The following IL16 variants were observed in gnomAD, a reference collection of about 807,000 sequenced individuals.
IL16 encodes pro-interleukin-16.
Under a neutral mutation model 110.1 loss-of-function variants are expected in IL16, and 67 were observed. The observed-to-expected ratio is 0.61, with a 90% CI of 0.50 to 0.75. The LOEUF is 0.75. Ranked by LOEUF, IL16 falls within the 30% of genes least tolerant of loss-of-function variation. The pLI is 0.00. For missense variants in IL16, 1,545 were observed against 1,655.0 expected (o/e 0.93, Z 1.15); for synonymous variants, 689 against 662.9 (o/e 1.04, Z -0.61).
intron 10 of IL16, among the ~76,000 whole-genome samples, chr15:81,288,528 T>G (rs975460737): frequency 6.6e-6 from 1 of 152,224 alleles, no homozygotes; most frequent in East Asian, 1.9e-4. Context: ...AAGGACATTC[T>G]CATTGTTGTG....
At chr15:81,182,945 A>G in intron 1 of IL16, 1 of 1,203,512 alleles carries the variant, frequency 8.3e-7, no homozygotes, top group Non-Finnish European at 1.1e-6. Flanking sequence ...GGAGGTTGGA[A>G]TGGAGGGGTG....
intron 1 of IL16, among the ~76,000 whole-genome samples, chr15:81,210,181 TG>T (rs1455931248): frequency 1.3e-5 from 2 of 152,146 alleles, no homozygotes; most frequent in Non-Finnish European, 2.9e-5. Context: ...GTTGTAGGGG[TG>T]CAGTTTTATT....
intron 10 of IL16, 72 bp from the exon 11 acceptor site, chr15:81,290,381 G>A: frequency 9.8e-7 from 1 of 1,015,668 alleles, no homozygotes; most frequent in Non-Finnish European, 1.5e-6. Context: ...CAGCTTTGGA[G>A]CTGGTACGGG....
intron 2 of IL16, among the ~76,000 whole-genome samples, chr15:81,237,902 TTTTA>T (rs993267431): frequency 2.0e-5 from 3 of 151,494 alleles, no homozygotes; most frequent in African/African-American, 7.3e-5. Flanking sequence ...ATTTTATTTA[TTTTA>T]TTTATTTATT....
At chr15:81,243,800 G>C (rs1426524658) in intron 2 of IL16, among the ~76,000 whole-genome samples, 1 of 152,072 alleles carries the variant, frequency 6.6e-6, no homozygotes, top group Non-Finnish European at 1.5e-5. Flanking sequence ...TGCTTTTTGA[G>C]GAATTGGTAC....
chr15:81,309,844 T>C lies in IL16; in HGVS notation c.*1046T>C, dbSNP rs1900763826. On this transcript the variant is annotated 3_prime_UTR_variant, in exon 19 of 19. Coordinates refer to ENST00000683961, the MANE Select transcript of IL16 (RefSeq NM_172217.5). ...AGTGATCACAGCAGCTTCTACGGTG[T>C]ATGGTTCTGTGCCAATGTATTGATA... The C allele has an allele frequency of 6.6e-6, 1 of 152,220 alleles. No homozygotes were observed. Among genetic ancestry groups the C allele is most frequent in the Non-Finnish European group, 1.5e-5 (1 of 68,046 alleles). The allele number at this position is 152,220 out of a possible 1,614,324, so 9.4% of individuals were successfully genotyped here.
At chr15:81,204,229 C>T (rs1307964911) in intron 1 of IL16, among the ~76,000 whole-genome samples, 4 of 152,118 alleles carry the variant, frequency 2.6e-5, no homozygotes, top group East Asian at 3.9e-4. Flanking sequence ...TGGGCTGAGA[C>T]GATGGGGTTT....
chr15:81,250,360 T>C (rs548430484), intron 2 of IL16, among the ~76,000 whole-genome samples: 6 of 152,136 alleles, frequency 3.9e-5, no homozygotes, highest in Non-Finnish European at 8.8e-5. Flanking sequence ...TTATTTTAAA[T>C]AGAGATGGGG....
chr15:81,273,274 T>C, intron 6 of IL16, 70 bp downstream of exon 6: 1 of 1,164,294 alleles, frequency 8.6e-7, no homozygotes. Context: ...GCTGGGGCCA[T>C]AGAAGATGTT....
At chr15:81,241,536 C>T (rs1453648417) in intron 2 of IL16, among the ~76,000 whole-genome samples, 1 of 152,114 alleles carries the variant, frequency 6.6e-6, no homozygotes, top group Non-Finnish European at 1.5e-5. Context: ...TCCTCATTTT[C>T]TGGTGCATTG....
Position 81,282,651 on chromosome 15 carries a change from G to A in IL16, c.1094G>A (p.Gly365Asp). 1 of 1,612,858 alleles carries A rather than the reference G, an allele frequency of 6.2e-7. No homozygotes were observed. Among genetic ancestry groups the A allele is most frequent in the Non-Finnish European group, 8.5e-7 (1 of 1,179,812 alleles). ...EVSLQKEAGVGLGIGLCSVPY... is the reference protein window; with the variant it reads ...EVSLQKEAGVDLGIGLCSVPY... Reference sequence around the variant, plus strand: ...GTTCTGCTTCCAGAGGCCGGCGTGGGCCTGGGCATCGGCCTGTGCAGCGTT... The same window carrying A: ...GTTCTGCTTCCAGAGGCCGGCGTGGACCTGGGCATCGGCCTGTGCAGCGTT... The change falls in exon 9 of 19, where the codon GGC (glycine) becomes GAC (aspartate). Residue 365 changes from glycine to aspartate, a missense_variant. By Grantham distance (94) the Gly-to-Asp change is moderately conservative. This residue lies in a region of IL16 where 1,185 missense variants were observed against 1,238.8 expected (regional missense o/e 0.96). Transcript: ENST00000683961.
intron 9 of IL16, among the ~76,000 whole-genome samples, chr15:81,284,460 G>T (rs1056730304): frequency 6.6e-6 from 1 of 152,208 alleles, no homozygotes; most frequent in East Asian, 1.9e-4. Flanking sequence ...GTTCCATGTG[G>T]TTGTCTTGGT....
chr15:81,207,843 G>GTT, intron 1 of IL16, among the ~76,000 whole-genome samples: 1 of 143,398 alleles, frequency 7.0e-6, no homozygotes, highest in East Asian at 2.0e-4. Flanking sequence ...GTGCATGTGG[G>GTT]TTTTTTTTTT....
Position 81,308,685 on chromosome 15 carries a change from A to C in IL16, c.3886A>C (p.Thr1296Pro), listed in dbSNP as rs1404872483. Residue 1296 changes from threonine to proline, a missense_variant, in exon 19 of 19, where the codon ACA becomes CCA. Transcript: ENST00000683961. ...GGGTGGCACTGCCATGCAGGGCCTC[A>C]CACGGTTTGAAGCCTGGAACATCAT... ...QLGGTAMQGLTRFEAWNIIKA... is the reference protein window; with the variant it reads ...QLGGTAMQGLPRFEAWNIIKA... The C allele has an allele frequency of 1.2e-6, 2 of 1,613,702 alleles. No individual in the cohort carries two copies. The highest frequency in any genetic ancestry group is 1.7e-6 in the Non-Finnish European group (2 of 1,179,698).
At chr15:81,225,083 C>A (rs549338265) in intron 1 of IL16, among the ~76,000 whole-genome samples, 67 of 152,270 alleles carry the variant, frequency 4.4e-4, no homozygotes, top group African/African-American at 1.4e-3. Context: ...GGCTAGGTCT[C>A]CATGACACTG....
intron 4 of IL16, 49 bp downstream of exon 4, chr15:81,265,850 A>C (rs1225643303): frequency 1.3e-6 from 2 of 1,560,198 alleles, no homozygotes; most frequent in Non-Finnish European, 1.7e-6. Flanking sequence ...CCCGGGGAGA[A>C]GGGAGGGGCC....
chr15:81,182,791 T>C, exon 1 of IL16: 1 of 1,053,834 alleles, frequency 9.5e-7, no homozygotes, highest in South Asian at 1.3e-5. Flanking sequence ...GATCCTCCCA[T>C]GGACCCCTGA....
At chr15:81,206,869 G>A (rs1468194405) in intron 1 of IL16, among the ~76,000 whole-genome samples, 4 of 151,070 alleles carry the variant, frequency 2.6e-5, no homozygotes, top group African/African-American at 9.8e-5. Context: ...TTTAAATAAT[G>A]ATGATGATGA....
chr15:81,313,361 G>T lies in IL16; in HGVS notation c.*4563G>T, dbSNP rs1900968159. 7 of 1,582,624 alleles carry T rather than the reference G, an allele frequency of 4.4e-6. 1 individual carries two copies. The East Asian group carries it at 1.7e-4, about 37-fold the overall frequency. Reference sequence around the variant, plus strand: ...CGTTCTGTGGGAGGTAACCGCTGAGGTCGGTATGGAAGAATGTGACCAGGT... The same window carrying T: ...CGTTCTGTGGGAGGTAACCGCTGAGTTCGGTATGGAAGAATGTGACCAGGT... On this transcript the variant is annotated 3_prime_UTR_variant, in exon 19 of 19. Coordinates refer to ENST00000683961, the MANE Select transcript of IL16 (RefSeq NM_172217.5).
Sources: gnomAD v4.1 joint callset for allele counts (sites outside exome capture counted in the v4.1 genomes callset) on GRCh38, gnomAD v4.1.1 for gene constraint, gnomAD v4.1.1 regional missense constraint, MANE v1.5 for transcripts, NCBI Gene and HGNC (gene_info 2026-07-23, HGNC 2026-07-21) for gene names.